Variants in DACH1 observed in about 807,000 individuals in gnomAD.
DACH1 encodes the protein dachshund homolog 1.
A neutral mutation model predicts 54.2 loss-of-function variants in DACH1; 12 were observed. The observed-to-expected ratio is 0.22, with a 90% CI of 0.14 to 0.36. DACH1 has a LOEUF of 0.36. DACH1 is among the 10% of genes least tolerant of loss of function. The pLI, the probability that DACH1 is intolerant of heterozygous loss-of-function variation, is 1.00. For synonymous variants in DACH1, 386 were observed against 366.2 expected (o/e 1.05, Z -0.62); for missense variants, 805 against 929.8 (o/e 0.87, Z 1.75).
chr13:71,851,050 T>C (rs540483448), intron 1 of DACH1, among the ~76,000 whole-genome samples: 18 of 152,192 alleles, frequency 1.2e-4, no homozygotes, highest in Admixed American at 2.6e-4. Context: ...CGATCACATA[T>C]TCAAGACCAG....
chr13:71,536,446 C>T lies in DACH1; in HGVS notation c.1570+20578G>A, dbSNP rs570761353. ...CTAATAGTAAATACTTAGGAGATTA[C>T]GGACCTGGAGGCAGTGTGCTCTAAG... On this transcript the variant is annotated intron_variant, in intron 6 of 10. Coordinates refer to ENST00000613252, the MANE Select transcript of DACH1 (RefSeq NM_080759.6). Among the ~76,000 whole-genome samples, 4 of 152,144 alleles carry T rather than the reference C, an allele frequency of 2.6e-5. No individual in the cohort carries two copies. The East Asian group carries it at 7.8e-4, about 30-fold the overall frequency.
At position 71,756,207 on chromosome 13, in the gene DACH1, C is replaced by CT. The variant is rs575813931; in HGVS notation, c.849-74298dup. The stretch of plus-strand genomic sequence containing the variant: ...CACCACACTCGGCTAATTTTTTTTT[C>CT]TTTTTTTTTGTATTTTTAGTAGAGA... On this transcript the variant is annotated intron_variant, in intron 1 of 10. Coordinates refer to ENST00000613252, the MANE Select transcript of DACH1 (RefSeq NM_080759.6). 5.9e-3 allele frequency among the ~76,000 whole-genome samples: 884 copies of CT among 149,706 alleles called. 8 individuals carry two copies. Among genetic ancestry groups the CT allele is most frequent in the African/African-American group, 7.5e-3 (308 of 40,858 alleles).
chr13:71,817,769 T>C (rs1022047412), intron 1 of DACH1, among the ~76,000 whole-genome samples: 12 of 152,092 alleles, frequency 7.9e-5, no homozygotes, highest in Non-Finnish European at 1.6e-4. Context: ...CTTTTAACAT[T>C]CTTAGTGTGG....
Position 71,668,266 on chromosome 13 carries a change from C to T in DACH1, c.964+13529G>A, listed in dbSNP as rs150695081. The stretch of plus-strand genomic sequence containing the variant: ...AATAATAACTTACATTTGCATAGTT[C>T]TTTGGAATAAACAGAGTGTTACATC... On this transcript the variant is annotated intron_variant, in intron 2 of 10. Transcript: ENST00000613252. 2.6e-5 allele frequency among the ~76,000 whole-genome samples: 4 copies of T among 152,114 alleles called. No individual in the cohort carries two copies. The East Asian group carries it at 5.8e-4, about 22-fold the overall frequency.
At chr13:71,481,696 TGCAAAA>T (rs1566285961) in intron 7 of DACH1, among the ~76,000 whole-genome samples, 24 of 152,314 alleles carry the variant, frequency 1.6e-4, no homozygotes, top group African/African-American at 5.3e-4. Flanking sequence ...CTGATGCATA[TGCAAAA>T]GTATGTTACC....
chr13:71,681,713 C>T lies in DACH1; in HGVS notation c.964+82G>A, dbSNP rs73523416. 2.1e-3 allele frequency: 1,849 copies of T among 882,530 alleles called. 32 individuals carry two copies. The African/African-American group carries it at 0.027, about 13-fold the overall frequency. The allele number at this position is 882,530 out of a possible 1,614,324, so 54.7% of individuals were successfully genotyped here. On this transcript the variant is annotated intron_variant, in intron 2 of 10. Coordinates refer to ENST00000613252, the MANE Select transcript of DACH1 (RefSeq NM_080759.6). ...AAATATAATTGATGTGTGTAAATAT[C>T]GATGTCACCACAGATATATATAAAA...
At chr13:71,596,930 T>C (rs1346559625) in intron 3 of DACH1, among the ~76,000 whole-genome samples, 1 of 152,162 alleles carries the variant, frequency 6.6e-6, no homozygotes, top group Admixed American at 6.5e-5. Context: ...GTGCAACAAA[T>C]AGCCTAAGAT....
intron 1 of DACH1, among the ~76,000 whole-genome samples, chr13:71,782,917 CA>C (rs1886444338): frequency 6.6e-6 from 1 of 151,792 alleles, no homozygotes; most frequent in Non-Finnish European, 1.5e-5. Flanking sequence ...TTTCTTCCAC[CA>C]AAAATATTTT....
intron 1 of DACH1, among the ~76,000 whole-genome samples, chr13:71,700,752 C>T (rs1382603541): frequency 6.6e-6 from 1 of 152,072 alleles, no homozygotes; most frequent in African/African-American, 2.4e-5. Context: ...AGAAGATGTT[C>T]TTACCTCCCA....
chr13:71,834,868 G>A (rs1190379821), intron 1 of DACH1, among the ~76,000 whole-genome samples: 1 of 151,930 alleles, frequency 6.6e-6, no homozygotes, highest in Non-Finnish European at 1.5e-5. Context: ...CATATTTGTC[G>A]GCATTCTGAA....
chr13:71,688,543 T>C (rs888602156), intron 1 of DACH1, among the ~76,000 whole-genome samples: 1 of 152,222 alleles, frequency 6.6e-6, no homozygotes, highest in Non-Finnish European at 1.5e-5. Flanking sequence ...TTTGGACTTT[T>C]AGTGTTCTCT....
chr13:71,566,861 G>C (rs1157101617), intron 4 of DACH1, among the ~76,000 whole-genome samples: 1 of 151,774 alleles, frequency 6.6e-6, no homozygotes, highest in African/African-American at 2.4e-5. Context: ...CATACACTTG[G>C]AGATTTTTAT....
At chr13:71,657,573 A>AGGT (rs1291816187) in intron 2 of DACH1, among the ~76,000 whole-genome samples, 1 of 11,220 alleles carries the variant, frequency 8.9e-5, no homozygotes, top group Non-Finnish European at 3.5e-4. Context: ...ACCCTGTCTC[A>AGGT]AATAAAAAAA....
At chr13:71,602,109 C>T (rs1874537943) in intron 3 of DACH1, among the ~76,000 whole-genome samples, 1 of 151,908 alleles carries the variant, frequency 6.6e-6, no homozygotes, top group Admixed American at 6.6e-5. Flanking sequence ...CTACATTGAG[C>T]TAATTTGACT....
chr13:71,439,169 G>A lies in DACH1; in HGVS notation c.*1486C>T, dbSNP rs1434727012. On this transcript the variant is annotated 3_prime_UTR_variant, in exon 11 of 11. Transcript: ENST00000613252. ...TTGCTGTTTTGTGGTAATAAATAAT[G>A]TTACGATCATACAATTTTAAGATGA... 1 of 152,340 alleles carries A rather than the reference G, an allele frequency of 6.6e-6. No individual in the cohort carries two copies. The highest frequency in any genetic ancestry group is 1.5e-5 in the Non-Finnish European group (1 of 67,892). 9.4% of individuals were successfully genotyped at this position (152,340 alleles called of 1,614,324 possible).
At chr13:71,787,064 C>G (rs1398732990) in intron 1 of DACH1, among the ~76,000 whole-genome samples, 1 of 152,130 alleles carries the variant, frequency 6.6e-6, no homozygotes, top group African/African-American at 2.4e-5. Context: ...CACACAAGAG[C>G]CTTTTTCTTC....
intron 6 of DACH1, among the ~76,000 whole-genome samples, chr13:71,493,510 G>T (rs960528509): frequency 6.6e-6 from 1 of 152,094 alleles, no homozygotes; most frequent in African/African-American, 2.4e-5. Flanking sequence ...GTTGGTTTAA[G>T]CCACTAAGTT....
chr13:71,783,550 G>A (rs2138072935), intron 1 of DACH1, among the ~76,000 whole-genome samples: 2 of 152,188 alleles, frequency 1.3e-5, no homozygotes, highest in Middle Eastern at 6.8e-3. Context: ...TTATGGCTCA[G>A]ATATTGTACC....
At chr13:71,828,382 G>A (rs2138200223) in intron 1 of DACH1, among the ~76,000 whole-genome samples, 1 of 151,942 alleles carries the variant, frequency 6.6e-6, no homozygotes, top group East Asian at 1.9e-4. Context: ...CCTTAAGTGA[G>A]TTCTTTAACC....
Sources: gnomAD v4.1 joint callset for allele counts (sites outside exome capture counted in the v4.1 genomes callset) on GRCh38, gnomAD v4.1.1 for gene constraint, MANE v1.5 for transcripts, NCBI Gene and HGNC (gene_info 2026-07-23, HGNC 2026-07-21) for gene names.